The following PPARGC1A variants were observed in gnomAD, a reference collection of about 807,000 sequenced individuals.
The protein encoded by PPARGC1A is peroxisome proliferator-activated receptor gamma coactivator 1-alpha.
In PPARGC1A, 25 loss-of-function variants were observed where a neutral mutation model predicts 88.7. That is an observed-to-expected ratio of 0.28 (90% CI 0.21 to 0.39). PPARGC1A has a LOEUF of 0.39. PPARGC1A is among the 10% of genes least tolerant of loss of function. PPARGC1A has a pLI of 1.00. For missense variants in PPARGC1A, 880 were observed against 968.7 expected, an observed-to-expected ratio of 0.91 and a Z score of 1.22; for synonymous variants, 363 against 355.6, an observed-to-expected ratio of 1.02 and a Z score of -0.24.
At chr4:24,039,531 A>G in the PPARGC1A span, among the ~76,000 whole-genome samples, 2 of 152,146 alleles carry the variant, frequency 1.3e-5, no homozygotes, top group African/African-American at 4.8e-5. Flanking sequence ...AATGGAGCCC[A>G]AAGATCAGTC....
intron 3 of PPARGC1A, among the ~76,000 whole-genome samples, chr4:23,831,011 T>C (rs1724902335): frequency 1.3e-5 from 2 of 152,284 alleles, no homozygotes; most frequent in South Asian, 4.1e-4. Flanking sequence ...ATAAAAATGC[T>C]AATATGTTAA....
At chr4:23,961,542 AGCAACCCATAACAACCAG>A in the PPARGC1A span, among the ~76,000 whole-genome samples, 1 of 152,180 alleles carries the variant, frequency 6.6e-6, no homozygotes, top group Non-Finnish European at 1.5e-5. Flanking sequence ...CATTTCCCAG[AGCAACCCATAACAACCAG>A]GCTGACTGAG....
chr4:24,208,902 G>A, the PPARGC1A span, among the ~76,000 whole-genome samples: 1 of 151,954 alleles, frequency 6.6e-6, no homozygotes, highest in Non-Finnish European at 1.5e-5. Flanking sequence ...ACTTTGTGAT[G>A]GGAAGAGTTG....
chr4:24,340,594 T>C, the PPARGC1A span, among the ~76,000 whole-genome samples: 14 of 152,210 alleles, frequency 9.2e-5, no homozygotes, highest in African/African-American at 3.1e-4. Flanking sequence ...AAAATGACTA[T>C]TAAGCCGTAG....
At chr4:24,210,289 T>C in the PPARGC1A span, among the ~76,000 whole-genome samples, 1 of 152,238 alleles carries the variant, frequency 6.6e-6, no homozygotes, top group Non-Finnish European at 1.5e-5. Context: ...AATATAAAGT[T>C]GTTTTCTTAA....
the PPARGC1A span, among the ~76,000 whole-genome samples, chr4:24,049,308 G>GTATATATATATGTGTGTATA: frequency 1.4e-5 from 2 of 139,550 alleles, no homozygotes. Context: ...ATATATGTGT[G>GTATATATATATGTGTGTATA]TATATATATA....
chr4:23,860,256 G>A (rs1424804235), intron 2 of PPARGC1A, among the ~76,000 whole-genome samples: 1 of 141,652 alleles, frequency 7.1e-6, no homozygotes, highest in Non-Finnish European at 1.5e-5. Flanking sequence ...AGGCAACAGA[G>A]CAAGAGACAC....
the PPARGC1A span, among the ~76,000 whole-genome samples, chr4:24,181,169 G>T: frequency 6.6e-6 from 1 of 152,148 alleles, no homozygotes; most frequent in Non-Finnish European, 1.5e-5. Flanking sequence ...GTTACTTAGA[G>T]GTGAATTACT....
At chr4:24,163,011 G>A in the PPARGC1A span, among the ~76,000 whole-genome samples, 1 of 151,262 alleles carries the variant, frequency 6.6e-6, no homozygotes, top group Non-Finnish European at 1.5e-5. Context: ...AGTATTTTTT[G>A]TCCATCTCCT....
At chr4:24,279,124 A>T in the PPARGC1A span, among the ~76,000 whole-genome samples, 1 of 152,186 alleles carries the variant, frequency 6.6e-6, no homozygotes, top group East Asian at 1.9e-4. Flanking sequence ...TTCCAATTCT[A>T]TACTTCCGTG....
chr4:23,869,708 A>G (rs1712867010), intron 2 of PPARGC1A, among the ~76,000 whole-genome samples: 1 of 152,136 alleles, frequency 6.6e-6, no homozygotes, highest in African/African-American at 2.4e-5. Context: ...CTGTAGTGAT[A>G]TTACGATTTC....
At chr4:24,183,975 G>GA in the PPARGC1A span, among the ~76,000 whole-genome samples, 1 of 152,294 alleles carries the variant, frequency 6.6e-6, no homozygotes, top group Non-Finnish European at 1.5e-5. Flanking sequence ...CAAAGCTGCT[G>GA]AATCTTCTTT....
intron 2 of PPARGC1A, among the ~76,000 whole-genome samples, chr4:23,850,980 AAGT>A (rs1466405200): frequency 6.6e-6 from 1 of 152,172 alleles, no homozygotes; most frequent in Non-Finnish European, 1.5e-5. Context: ...TTGGGGGAAA[AAGT>A]AGCTCACTGA....
the PPARGC1A span, among the ~76,000 whole-genome samples, chr4:24,401,826 G>A: frequency 1.3e-5 from 2 of 152,206 alleles, no homozygotes; most frequent in Non-Finnish European, 2.9e-5. Flanking sequence ...GTTGGTACAT[G>A]TGAAGTGCCT....
the PPARGC1A span, among the ~76,000 whole-genome samples, chr4:24,029,929 T>G: frequency 6.6e-6 from 1 of 152,148 alleles, no homozygotes; most frequent in Non-Finnish European, 1.5e-5. Context: ...GTCCTCTCTG[T>G]AGAAAAAGGA....
chr4:24,111,582 T>C, the PPARGC1A span, among the ~76,000 whole-genome samples: 1 of 152,178 alleles, frequency 6.6e-6, no homozygotes, highest in African/African-American at 2.4e-5. Context: ...TAAATGTAAT[T>C]GTTTTTAGCT....
At chr4:23,916,822 T>C in the PPARGC1A span, among the ~76,000 whole-genome samples, 2 of 152,362 alleles carry the variant, frequency 1.3e-5, no homozygotes, top group Admixed American at 1.3e-4. Context: ...TCATTAAACT[T>C]GTGAAGGTCT....
chr4:23,809,478 T>A (rs971925132), intron 10 of PPARGC1A, among the ~76,000 whole-genome samples: 2 of 152,200 alleles, frequency 1.3e-5, no homozygotes, highest in African/African-American at 4.8e-5. Flanking sequence ...AGTTTCTCAA[T>A]ATACCTTATT....
chr4:24,226,030 A>T, the PPARGC1A span, among the ~76,000 whole-genome samples: 2 of 152,128 alleles, frequency 1.3e-5, no homozygotes, highest in African/African-American at 4.8e-5. Flanking sequence ...GATGAGAGGG[A>T]GGCAAGGTGA....
Sources: gnomAD v4.1 joint callset for allele counts (sites outside exome capture counted in the v4.1 genomes callset) on GRCh38, gnomAD v4.1.1 for gene constraint, MANE v1.5 for transcripts, NCBI Gene and HGNC (gene_info 2026-07-23, HGNC 2026-07-21) for gene names.